The following TCHH variants were observed in gnomAD, a reference collection of about 807,000 sequenced individuals.
TCHH encodes trichohyalin.
TCHH carries 6 observed loss-of-function variants against 6.3 expected under a neutral mutation model. That is an observed-to-expected ratio of 0.95 (90% CI 0.52 to 1.88). The LOEUF (loss-of-function observed/expected upper bound fraction) is 1.88, where lower values mean the gene tolerates loss of function less well. TCHH is among the 40% of genes most tolerant of loss of function. The probability of loss-of-function intolerance (pLI) is 0.01; values close to 1 mark genes in which losing one functional copy is unlikely to be tolerated. For synonymous variants in TCHH, 1,087 were observed against 963.6 expected (o/e 1.13, Z -2.37); for missense variants, 2,920 against 2,449.1 (o/e 1.19, Z -4.06).
chr1:152,113,793 A>G (rs1572160962), intron 2 of TCHH, 150 bp downstream of exon 2: 5 of 884,176 alleles, frequency 5.7e-6, no homozygotes, highest in Middle Eastern at 2.3e-4. Flanking sequence ...TCAAGTAAGT[A>G]CCTTTTGACT....
intron 1 of TCHH, among the ~76,000 whole-genome samples, chr1:152,114,372 C>A (rs1658461224): frequency 6.6e-6 from 1 of 152,200 alleles, no homozygotes; most frequent in Non-Finnish European, 1.5e-5. Flanking sequence ...TATCTATGCC[C>A]TTTTCTTCTG....
At position 152,111,156 on chromosome 1, in the gene TCHH, C is replaced by T. The variant is rs1421389980; in HGVS notation, c.2061G>A (p.Glu687=). The T allele has an allele frequency of 2.5e-6, 4 of 1,613,890 alleles. 1 individual carries two copies. The South Asian group carries it at 4.4e-5, about 18-fold the overall frequency. Residue 687 remains glutamate (E), a synonymous_variant, in exon 3 of 3, where the codon GAG becomes GAA. Transcript: ENST00000614923. ...GCTCCCGGGCCTGTTCCTGCTCCTC[C>T]TCAGCTAGCTCCTGCTCGCGCCTCT... ...EEERREQELA[E]EEQEQARERI... is the part of the protein sequence containing the mutation.
At position 152,106,699 on chromosome 1, in the gene TCHH, G is replaced by C. The variant is rs945249456; in HGVS notation, c.*686C>G. 1 of 152,158 alleles carries C rather than the reference G, an allele frequency of 6.6e-6. No individual in the cohort carries two copies. The highest frequency in any genetic ancestry group is 2.4e-5 in the African/African-American group (1 of 41,418). 9.4% of individuals were successfully genotyped at this position (152,158 alleles called of 1,614,324 possible). ...GAGAAACACCTCATTATTTCTTCATGAGATTATGTGTTTAAGTGGAGTTGA... is the reference window on the plus strand; with the variant it reads ...GAGAAACACCTCATTATTTCTTCATCAGATTATGTGTTTAAGTGGAGTTGA... On this transcript the variant is annotated 3_prime_UTR_variant, in exon 3 of 3. Transcript: ENST00000614923.
rs767498212 is a variant in TCHH at position 152,110,871 on chromosome 1, C to A, written c.2346G>T (p.Gln782His). 8.1e-6 allele frequency: 13 copies of A among 1,610,582 alleles called. No homozygotes were observed. The South Asian group carries it at 1.4e-4, about 18-fold the overall frequency. ...GCAATGGGGGCCTGGCCGACAGCCT[C>A]TGACGGCCCCTCTCGCTCTTTTCCT... is the stretch of plus-strand genomic sequence containing the variant. ...QAEEKSERGR[Q>H]RLSARPPLRE... is the part of the protein sequence containing the mutation. Residue 782 changes from glutamine (Q) to histidine (H), a missense_variant, in exon 3 of 3, where the codon CAG (glutamine) becomes CAT (histidine). Gln to His is a conservative substitution (Grantham distance 24). Coordinates refer to ENST00000614923, the MANE Select transcript of TCHH (RefSeq NM_007113.4).
At position 152,108,022 on chromosome 1, in the gene TCHH, C is replaced by G. The variant is rs768857593; in HGVS notation, c.5195G>C (p.Arg1732Pro). The stretch of plus-strand genomic sequence containing the variant: ...CAGCTGCTCTTGCTCCGTTTCTTGG[C>G]GCAGCTGTTCCTCCTCACGGAATTT... ...ERKFREEEQL[R>P]QETEQEQLRR... is the part of the protein sequence containing the mutation. Residue 1732 changes from arginine (R) to proline (P), a missense_variant, in exon 3 of 3, where the codon CGC becomes CCC. Physicochemically the swap from Arg to Pro is moderately radical, Grantham distance 103. Coordinates refer to ENST00000614923, the MANE Select transcript of TCHH (RefSeq NM_007113.4). 1 of 1,611,974 alleles carries G rather than the reference C, an allele frequency of 6.2e-7. No individual in the cohort carries two copies. The highest frequency in any genetic ancestry group is 1.7e-5 in the Admixed American group (1 of 59,838).
chr1:152,114,165 G>C, intron 1 of TCHH, 54 bp from the exon 2 acceptor site: 2 of 1,333,294 alleles, frequency 1.5e-6, no homozygotes, highest in Non-Finnish European at 1.0e-6. Context: ...CTTTTGGGAA[G>C]GCTTCATTCA....
Position 152,108,344 on chromosome 1 carries a change from C to A in TCHH, c.4873G>T (p.Glu1625Ter). The change falls in exon 3 of 3, where the codon GAA becomes TAA. Residue 1625 changes from glutamate to a stop codon, truncating the protein, a stop_gained. Transcript: ENST00000614923. LOFTEE classifies it low-confidence loss of function (END_TRUNC). ...TCTTCCCTTTCCTGGAGCAGCTGTTCGTCTTCGCGGAATTTTCTGTCGCGC... is the reference window on the plus strand; with the variant it reads ...TCTTCCCTTTCCTGGAGCAGCTGTTAGTCTTCGCGGAATTTTCTGTCGCGC... ...QERDRKFRED[E>*]QLLQEREEQQ... is the part of the protein sequence containing the mutation. 2 of 1,608,478 alleles carry A rather than the reference C, an allele frequency of 1.2e-6. No individual in the cohort carries two copies. Among genetic ancestry groups the A allele is most frequent in the Non-Finnish European group, 1.7e-6 (2 of 1,178,650 alleles).
chr1:152,108,076 T>C lies in TCHH; in HGVS notation c.5141A>G (p.Gln1714Arg). The stretch of plus-strand genomic sequence containing the variant: ...CTCCAGTTCCTGGCGGCGCAGCTGC[T>C]GTTCCTCCTGGAGGAATTTTCTCTC... ...ERERKFLQEEQQLRRQELERK... is the reference protein window; with the variant it reads ...ERERKFLQEERQLRRQELERK... The change falls in exon 3 of 3, where the codon CAG becomes CGG. Residue 1714 changes from glutamine to arginine, a missense_variant. Coordinates refer to ENST00000614923, the MANE Select transcript of TCHH (RefSeq NM_007113.4). 1 of 1,613,358 alleles carries C rather than the reference T, an allele frequency of 6.2e-7. No homozygotes were observed. The highest frequency in any genetic ancestry group is 8.5e-7 in the Non-Finnish European group (1 of 1,179,730).
At position 152,110,066 on chromosome 1, in the gene TCHH, G is replaced by A. The variant is rs779106201; in HGVS notation, c.3151C>T (p.Arg1051Trp). The A allele has an allele frequency of 1.2e-6, 2 of 1,609,598 alleles. No individual in the cohort carries two copies. The highest frequency in any genetic ancestry group is 1.7e-4 in the Middle Eastern group (1 of 6,044). The change falls in exon 3 of 3, where the codon CGG becomes TGG. Residue 1051 changes from arginine to tryptophan, a missense_variant. Coordinates refer to ENST00000614923, the MANE Select transcript of TCHH (RefSeq NM_007113.4). The stretch of plus-strand genomic sequence containing the variant: ...TCCTGCTGCAGCTCCTCTTCCTCCC[G>A]ATATTGCCTCTCCCGCTCCTGGAGT... ...RRLQERERQY[R>W]EEEELQQEEE...
chr1:152,109,771 T>G lies in TCHH; in HGVS notation c.3446A>C (p.Glu1149Ala), dbSNP rs1375018038. 5.7e-6 allele frequency: 9 copies of G among 1,581,748 alleles called. No individual in the cohort carries two copies. Among genetic ancestry groups the G allele is most frequent in the Non-Finnish European group, 7.8e-6 (9 of 1,161,014 alleles). Residue 1149 changes from glutamate to alanine, a missense_variant, in exon 3 of 3, where the codon GAG (glutamate) becomes GCG (alanine). Physicochemically the swap from Glu to Ala is moderately radical, Grantham distance 107. Coordinates refer to ENST00000614923, the MANE Select transcript of TCHH (RefSeq NM_007113.4). ...TTCCTCTCTCAGCAGCTGCTCTTCC[T>G]CCTGCTGCACCTCCTCTTCCTCCCG... ...QYREEEEVQQ[E>A]EEQLLREEPE...
In TCHH at chr1:152,107,798, T is replaced by G; in HGVS notation, c.5419A>C (p.Arg1807=). Residue 1807 remains arginine (R), a synonymous_variant, in exon 3 of 3, where the codon AGG becomes CGG. Coordinates refer to ENST00000614923, the MANE Select transcript of TCHH (RefSeq NM_007113.4). Reference sequence around the variant, plus strand: ...TGGGGGCGCAGCTGCTGTTCTTCCCTCTCCTGGCGTAGCTGTTCCTCCTCG... The same window carrying G: ...TGGGGGCGCAGCTGCTGTTCTTCCCGCTCCTGGCGTAGCTGTTCCTCCTCG... The part of the protein sequence containing the change: ...FREEEQLRQE[R]EEQQLRPQQR... The G allele has an allele frequency of 6.2e-7, 1 of 1,612,182 alleles. No individual in the cohort carries two copies. Among genetic ancestry groups the G allele is most frequent in the South Asian group, 1.1e-5 (1 of 90,934 alleles).
chr1:152,109,088 G>C lies in TCHH; in HGVS notation c.4129C>G (p.Leu1377Val), dbSNP rs371806397. The C allele has an allele frequency of 2.5e-6, 4 of 1,612,518 alleles. No homozygotes were observed. In the African/African-American group the frequency reaches 5.4e-5, roughly 22 times the overall value. The change falls in exon 3 of 3, where the codon CTC (leucine) becomes GTC (valine). Residue 1377 changes from leucine to valine, a missense_variant. By Grantham distance (32) the Leu-to-Val change is conservative. Coordinates refer to ENST00000614923, the MANE Select transcript of TCHH (RefSeq NM_007113.4). ...CGGCGCAGCCGCTGTTCCTCCTCGA[G>C]GAATTTTCTCCCTTGTTCCTGATGG... Reference protein sequence around the residue: ...LRHQEQGRKFLEEEQRLRRQE... With the variant: ...LRHQEQGRKFVEEEQRLRRQE...
At chr1:152,113,839 T>C (rs766857931) in intron 2 of TCHH, 104 bp downstream of exon 2, 92 of 1,327,694 alleles carry the variant, frequency 6.9e-5, no homozygotes, top group Non-Finnish European at 9.2e-5. Context: ...AGACCTGTTG[T>C]GGTGTAAAAT....
chr1:152,107,789 G>C lies in TCHH; in HGVS notation c.5428C>G (p.Gln1810Glu), dbSNP rs1488966972. 5 of 1,613,942 alleles carry C rather than the reference G, an allele frequency of 3.1e-6. No homozygotes were observed. Among genetic ancestry groups the C allele is most frequent in the African/African-American group, 2.7e-5 (2 of 74,880 alleles). ...EEQLRQEREE[Q>E]QLRPQQRDGK... The stretch of plus-strand genomic sequence containing the variant: ...TCACGCTGTTGGGGGCGCAGCTGCT[G>C]TTCTTCCCTCTCCTGGCGTAGCTGT... Residue 1810 changes from glutamine (Q) to glutamate (E), a missense_variant, in exon 3 of 3, where the codon CAG becomes GAG. Transcript: ENST00000614923.
rs1385446691 is a variant in TCHH, at chr1:152,110,598, T to C, written c.2619A>G (p.Lys873=). 1.2e-6 allele frequency: 2 copies of C among 1,614,116 alleles called. No homozygotes were observed. The highest frequency in any genetic ancestry group is 2.2e-5 in the East Asian group (1 of 44,862). The change falls in exon 3 of 3, where the codon AAA becomes AAG. Residue 873 remains lysine, a synonymous_variant. Coordinates refer to ENST00000614923, the MANE Select transcript of TCHH (RefSeq NM_007113.4). ...TTTCTTCTTCTAGTTGCCACCTCCA[T>C]TTTTGGTCGCGGCGCTGCTCCTGGC... ...RRSQEQRRDQ[K]WRWQLEEERK...
chr1:152,109,008 C>CAGG lies in TCHH; in HGVS notation c.4208_4209insCCT (p.Glu1403delinsAspLeu), dbSNP rs1184400736. 5.0e-6 allele frequency: 8 copies of CAGG among 1,611,598 alleles called. No individual in the cohort carries two copies. The highest frequency in any genetic ancestry group is 5.9e-6 in the Non-Finnish European group (7 of 1,179,306). On this transcript the variant is annotated protein_altering_variant, in exon 3 of 3. Coordinates refer to ENST00000614923, the MANE Select transcript of TCHH (RefSeq NM_007113.4). ...GGTCCTGACGCAGCTGTTGCTCGCGCTCCTGGCAGCGCAGCTGCTGTTCCT... is the reference window on the plus strand; with the variant it reads ...GGTCCTGACGCAGCTGTTGCTCGCGCAGGTCCTGGCAGCGCAGCTGCTGTTCCT...
intron 1 of TCHH, 135 bp downstream of exon 1, chr1:152,115,256 G>A (rs1271944258): frequency 6.6e-6 from 1 of 152,234 alleles, no homozygotes; most frequent in African/African-American, 2.4e-5. Context: ...GATAGAGTTA[G>A]TGATAGTTTA....
chr1:152,112,508 C>T lies in TCHH; in HGVS notation c.709G>A (p.Val237Met). 1 of 1,613,372 alleles carries T rather than the reference C, an allele frequency of 6.2e-7. No individual in the cohort carries two copies. Among genetic ancestry groups the T allele is most frequent in the Non-Finnish European group, 8.5e-7 (1 of 1,179,988 alleles). ...TCTTTCTCTTCTTCCTCCTGGAACA[C>T]TCTGTCTTGCCGCTCTCGCCTTTGC... Reference protein sequence around the residue: ...QQQRRERQDRVFQEEEEKEWR... With the variant: ...QQQRRERQDRMFQEEEEKEWR... The change falls in exon 3 of 3, where the codon GTG becomes ATG. Residue 237 changes from valine to methionine, a missense_variant. Coordinates refer to ENST00000614923, the MANE Select transcript of TCHH (RefSeq NM_007113.4).
In TCHH at chr1:152,108,767, C is replaced by T. The variant is rs757656821; in HGVS notation, c.4450G>A (p.Asp1484Asn). 1 of 1,613,182 alleles carries T rather than the reference C, an allele frequency of 6.2e-7. No individual in the cohort carries two copies. Among genetic ancestry groups the T allele is most frequent in the Non-Finnish European group, 8.5e-7 (1 of 1,179,840 alleles). ...EEQQLHRQER[D>N]RKFLEEEQQL... ...TGTTCCTCCTCCAGGAATTTTCTGT[C>T]ACGCTCTTGGCGGTGCAGCTGCTGT... Residue 1484 changes from aspartate (D) to asparagine (N), a missense_variant, in exon 3 of 3, where the codon GAC becomes AAC. Coordinates refer to ENST00000614923, the MANE Select transcript of TCHH (RefSeq NM_007113.4).
Sources: allele counts gnomAD v4.1 joint callset (sites outside exome capture counted in the v4.1 genomes callset), GRCh38; gene constraint gnomAD v4.1.1; transcripts MANE v1.5; gene names NCBI Gene and HGNC (gene_info 2026-07-23, HGNC 2026-07-21).